Variants in STAM observed in about 807,000 individuals in gnomAD.
The protein encoded by STAM is signal transducing adapter molecule 1.
Under a neutral mutation model 63.4 loss-of-function variants are expected in STAM, and 16 were observed. The ratio of observed to expected loss-of-function variants is 0.25; its 90% CI spans 0.17 to 0.38. The LOEUF (loss-of-function observed/expected upper bound fraction) is 0.38. STAM is among the 10% of genes least tolerant of loss of function. STAM has a pLI of 1.00. For missense variants in STAM, 636 were observed against 657.1 expected (o/e 0.97, Z 0.35); for synonymous variants, 238 against 223.9 (o/e 1.06, Z -0.56).
At chr10:17,703,773 C>T (rs2131680271) in intron 9 of STAM, among the ~76,000 whole-genome samples, 1 of 152,128 alleles carries the variant, frequency 6.6e-6, no homozygotes, top group South Asian at 2.1e-4. Flanking sequence ...TTATGACCAA[C>T]TGAAACACTG....
At chr10:17,694,647 T>C (rs1402364954) in intron 6 of STAM, among the ~76,000 whole-genome samples, 2 of 152,216 alleles carry the variant, frequency 1.3e-5, no homozygotes, top group Non-Finnish European at 1.5e-5. Flanking sequence ...CCTTTAAGGC[T>C]TTGATTTATT....
Position 17,715,160 on chromosome 10 carries a change from G to A in STAM, c.*380G>A, listed in dbSNP as rs1292205397. On this transcript the variant is annotated 3_prime_UTR_variant, in exon 14 of 14. Transcript: ENST00000377524. ...GCCATTTTGAATCACAGTGGTGATC[G>A]TGTGAATATATTTAACACTGTGTTA... 2.7e-5 allele frequency: 6 copies of A among 222,074 alleles called. No individual in the cohort carries two copies. The highest frequency in any genetic ancestry group is 7.8e-5 in the South Asian group (1 of 12,874). The allele number at this position is 222,074 out of a possible 1,614,324, so 13.8% of individuals were successfully genotyped here. A position where few individuals can be genotyped will look rare whatever the true frequency, so the allele number is the denominator to read the frequency against.
At chr10:17,704,331 A>G (rs1240826053) in intron 9 of STAM, 100 bp from the exon 10 acceptor site, 3 of 1,019,306 alleles carry the variant, frequency 2.9e-6, no homozygotes, top group Non-Finnish European at 3.0e-6. Flanking sequence ...GAGTCTCCAT[A>G]ACTATGAATT....
chr10:17,655,202 G>T (rs1833890368), intron 1 of STAM, among the ~76,000 whole-genome samples: 1 of 152,082 alleles, frequency 6.6e-6, no homozygotes, highest in African/African-American at 2.4e-5. Context: ...TTCTTAGATT[G>T]TAAGCTACTT....
At chr10:17,705,363 C>T (rs1836213999) in intron 11 of STAM, among the ~76,000 whole-genome samples, 1 of 152,170 alleles carries the variant, frequency 6.6e-6, no homozygotes, top group Non-Finnish European at 1.5e-5. Context: ...ATTTCTGGTA[C>T]AGTCAGGTAC....
intron 1 of STAM, among the ~76,000 whole-genome samples, chr10:17,648,857 T>G (rs1001121533): frequency 6.6e-6 from 1 of 152,226 alleles, no homozygotes; most frequent in South Asian, 2.1e-4. Flanking sequence ...CAAGTTTTTT[T>G]ATTGTGGCTC....
intron 1 of STAM, among the ~76,000 whole-genome samples, chr10:17,650,488 G>A (rs1833693315): frequency 6.6e-6 from 1 of 152,184 alleles, no homozygotes; most frequent in African/African-American, 2.4e-5. Flanking sequence ...TGGTACCTAA[G>A]TTTACTTAGT....
At chr10:17,687,348 G>A (rs544806668) in intron 4 of STAM, among the ~76,000 whole-genome samples, 2 of 152,138 alleles carry the variant, frequency 1.3e-5, no homozygotes, top group Admixed American at 6.5e-5. Flanking sequence ...GGTGGTGCGC[G>A]CCTGTAATCC....
At chr10:17,708,075 A>G (rs1564572769) in intron 12 of STAM, among the ~76,000 whole-genome samples, 1 of 152,086 alleles carries the variant, frequency 6.6e-6, no homozygotes, top group Non-Finnish European at 1.5e-5. Context: ...TATTTTTAGT[A>G]GAGACGGGGT....
At chr10:17,705,983 G>A (rs535835482) in intron 12 of STAM, among the ~76,000 whole-genome samples, 33 of 151,924 alleles carry the variant, frequency 2.2e-4, no homozygotes, top group African/African-American at 8.0e-4. Context: ...TGGGAGGATA[G>A]CTTGAGCCCA....
chr10:17,693,162 G>A, intron 5 of STAM, 60 bp from the exon 6 acceptor site: 1 of 1,459,776 alleles, frequency 6.9e-7, no homozygotes, highest in Non-Finnish European at 9.5e-7. Flanking sequence ...TTCTTAGGGT[G>A]GGTGAGAGGA....
intron 5 of STAM, among the ~76,000 whole-genome samples, chr10:17,688,378 G>A (rs1589080145): frequency 6.6e-6 from 1 of 152,208 alleles, no homozygotes; most frequent in East Asian, 1.9e-4. Context: ...TATTATAATG[G>A]AATATTAATG....
chr10:17,712,986 C>T (rs535293212), intron 13 of STAM, among the ~76,000 whole-genome samples: 2 of 152,192 alleles, frequency 1.3e-5, no homozygotes, highest in East Asian at 1.9e-4. Flanking sequence ...GGTTATGAGG[C>T]CTTCCCTTCC....
chr10:17,706,198 G>A (rs1836260434), intron 12 of STAM, among the ~76,000 whole-genome samples: 2 of 151,814 alleles, frequency 1.3e-5, no homozygotes, highest in African/African-American at 4.8e-5. Context: ...GGCAGTTACA[G>A]CATATAATAT....
In STAM at chr10:17,672,289, C is replaced by T. The variant is rs558849638; in HGVS notation, c.125+11741C>T. Among the ~76,000 whole-genome samples, 6 of 152,288 alleles carry T rather than the reference C, an allele frequency of 3.9e-5. No individual in the cohort carries two copies. In the South Asian group the frequency reaches 1.0e-3, roughly 26 times the overall value. The stretch of plus-strand genomic sequence containing the variant: ...ATATAGTGACATTGTTGAAAACTTA[C>T]TGTGGGCCATTCAAAGACATTTGAA... On this transcript the variant is annotated intron_variant, in intron 2 of 13. Coordinates refer to ENST00000377524, the MANE Select transcript of STAM (RefSeq NM_003473.4).
Position 17,716,733 on chromosome 10 carries a change from GA to G in STAM, c.*1959del, listed in dbSNP as rs1836831314. ...TATAAAAGTCAAGTAACAGTGAATA[GA>G]AAAAACTACCCTTATTACAACCCAT... On this transcript the variant is annotated 3_prime_UTR_variant, in exon 14 of 14. Coordinates refer to ENST00000377524, the MANE Select transcript of STAM (RefSeq NM_003473.4). Among the ~76,000 whole-genome samples, 1 of 152,122 alleles carries G rather than the reference GA, an allele frequency of 6.6e-6. No homozygotes were observed. Among genetic ancestry groups the G allele is most frequent in the African/African-American group, 2.4e-5 (1 of 41,432 alleles).
intron 6 of STAM, 69 bp from the exon 7 acceptor site, chr10:17,694,980 C>G (rs900761758): frequency 1.4e-6 from 2 of 1,445,702 alleles, no homozygotes. Flanking sequence ...ATCTTGATGT[C>G]TTTTTCTACT....
chr10:17,651,664 G>A (rs999167783), intron 1 of STAM, among the ~76,000 whole-genome samples: 2 of 151,958 alleles, frequency 1.3e-5, no homozygotes, highest in African/African-American at 4.8e-5. Flanking sequence ...TCTTTTTCTG[G>A]TTAGCAGAGC....
chr10:17,652,065 G>A (rs924807209), intron 1 of STAM, among the ~76,000 whole-genome samples: 3 of 152,188 alleles, frequency 2.0e-5, no homozygotes, highest in Non-Finnish European at 4.4e-5. Flanking sequence ...GAGTATTAGT[G>A]TAAGGATATT....
Sources: allele counts gnomAD v4.1 joint callset (sites outside exome capture counted in the v4.1 genomes callset), GRCh38; gene constraint gnomAD v4.1.1; transcripts MANE v1.5; gene names NCBI Gene and HGNC (gene_info 2026-07-23, HGNC 2026-07-21).